PTPN21: variants seen among roughly 807,000 people sequenced by gnomAD.
PTPN21 encodes protein tyrosine phosphatase non-receptor type 21.
In PTPN21, 77 loss-of-function variants were observed where a neutral mutation model predicts 131.8. The ratio of observed to expected loss-of-function variants is 0.58; its 90% confidence interval spans 0.49 to 0.71. The LOEUF is 0.71. Among genes scored for constraint, PTPN21 ranks in the 30% least tolerant of loss-of-function variants. The pLI, the probability that PTPN21 is intolerant of heterozygous loss-of-function variation, is 0.00. For missense variants in PTPN21, 1,552 were observed against 1,527.1 expected (o/e 1.02, Z -0.27); for synonymous variants, 715 against 621.3 (o/e 1.15, Z -2.24).
intron 18 of PTPN21, among the ~76,000 whole-genome samples, chr14:88,468,478 A>G (rs977737380): frequency 5.3e-5 from 8 of 152,312 alleles, no homozygotes; most frequent in South Asian, 4.1e-4. Context: ...TATTTCTTCA[A>G]CATTCCCCAG....
rs553272323 is a variant in PTPN21, at chr14:88,532,364, T to A, written c.181-15103A>T. On this transcript the variant is annotated intron_variant, in intron 2 of 18. Coordinates refer to ENST00000556564, the MANE Select transcript of PTPN21 (RefSeq NM_007039.4). ...TTTAAATACAACAAATTCAGTTCATTAAGTCTAAGAAAAAAAATGAGCCAG... is the reference window on the plus strand; with the variant it reads ...TTTAAATACAACAAATTCAGTTCATAAAGTCTAAGAAAAAAAATGAGCCAG... Among the ~76,000 whole-genome samples, 3 of 152,258 alleles carry A rather than the reference T, an allele frequency of 2.0e-5. No homozygotes were observed. The South Asian group carries it at 6.2e-4, about 32-fold the overall frequency.
At position 88,473,695 on chromosome 14, in the gene PTPN21, T is replaced by C; in HGVS notation, c.2619A>G (p.Glu873=). Residue 873 remains glutamate (E), a synonymous_variant, in exon 14 of 19, where the codon GAA becomes GAG. Transcript: ENST00000556564. ...SRVPLPDEGK[E]VATRATNDER... ...CATCATTCGTTGCTCTGGTAGCCAC[T>C]TCCTTTCCTTCATCAGGCAGAGGCA... 2 of 1,613,418 alleles carry C rather than the reference T, an allele frequency of 1.2e-6. No homozygotes were observed. Among genetic ancestry groups the C allele is most frequent in the East Asian group, 2.2e-5 (1 of 44,854 alleles).
At chr14:88,546,502 G>T (rs1363859598) in intron 2 of PTPN21, among the ~76,000 whole-genome samples, 1 of 151,544 alleles carries the variant, frequency 6.6e-6, no homozygotes, top group East Asian at 1.9e-4. Context: ...CTTGGACCCG[G>T]GAGGCAGAGG....
At chr14:88,500,732 T>C (rs375697773) in intron 8 of PTPN21, 51 bp downstream of exon 8, 7 of 1,258,714 alleles carry the variant, frequency 5.6e-6, no homozygotes, top group Non-Finnish European at 8.2e-6. Flanking sequence ...CTAAAAAATG[T>C]ATCACCAACA....
intron 10 of PTPN21, among the ~76,000 whole-genome samples, chr14:88,490,394 C>T (rs1397930540): frequency 6.6e-6 from 1 of 152,108 alleles, no homozygotes; most frequent in East Asian, 1.9e-4. Flanking sequence ...CTCGGCTCCA[C>T]CAGGGGTCCA....
intron 2 of PTPN21, among the ~76,000 whole-genome samples, chr14:88,536,521 G>A (rs1034535275): frequency 2.6e-5 from 4 of 152,160 alleles, no homozygotes; most frequent in African/African-American, 9.7e-5. Context: ...TTGAGATGGG[G>A]AAAAAATGTG....
chr14:88,484,559 C>G (rs1254403064), intron 12 of PTPN21, among the ~76,000 whole-genome samples: 1 of 152,150 alleles, frequency 6.6e-6, no homozygotes, highest in African/African-American at 2.4e-5. Flanking sequence ...TAAAAGGACA[C>G]AGGAACCAGC....
At position 88,479,562 on chromosome 14, in the gene PTPN21, G is replaced by A. The variant is rs776319305; in HGVS notation, c.1869C>T (p.Pro623=). The A allele has an allele frequency of 3.1e-6, 5 of 1,598,286 alleles. No homozygotes were observed. The highest frequency in any genetic ancestry group is 2.2e-5 in the East Asian group (1 of 44,770). The part of the protein sequence containing the change: ...VAHSLQEVSE[P]LTAARHAQLH... ...GCTGCGCGTGGCGCGCGGCGGTGAGGGGCTCGCTGACCTCCTGCAGCGAGT... is the reference window on the plus strand; with the variant it reads ...GCTGCGCGTGGCGCGCGGCGGTGAGAGGCTCGCTGACCTCCTGCAGCGAGT... The change falls in exon 13 of 19, where the codon CCC becomes CCT. Residue 623 remains proline (P), a synonymous_variant. Transcript: ENST00000556564.
At chr14:88,529,985 A>G (rs1412415138) in intron 2 of PTPN21, among the ~76,000 whole-genome samples, 1 of 149,166 alleles carries the variant, frequency 6.7e-6, no homozygotes, top group East Asian at 1.9e-4. Flanking sequence ...CATCTCAAGA[A>G]AAAAAAAAAA....
Position 88,474,371 on chromosome 14 carries a change from G to T in PTPN21, c.2512-569C>A, listed in dbSNP as rs187234202. On this transcript the variant is annotated intron_variant, in intron 13 of 18. Coordinates refer to ENST00000556564, the MANE Select transcript of PTPN21 (RefSeq NM_007039.4). ...TGCCCAACTAATCTTTGTGTGTTTT[G>T]TAGAGATGGGGTCTCACTATGTTGC... Among the ~76,000 whole-genome samples the T allele has an allele frequency of 1.7e-3, 266 of 152,088 alleles. 1 individual carries two copies. The highest frequency in any genetic ancestry group is 5.9e-3 in the African/African-American group (244 of 41,504).
intron 10 of PTPN21, among the ~76,000 whole-genome samples, chr14:88,495,710 G>A (rs73315980): frequency 0.035 from 5,385 of 152,264 alleles, 319 homozygotes; most frequent in African/African-American, 0.12. Context: ...GCCGAGCAGG[G>A]GGTGGTGTCC....
intron 10 of PTPN21, among the ~76,000 whole-genome samples, chr14:88,487,306 G>T (rs73315931): frequency 0.037 from 5,610 of 152,022 alleles, 348 homozygotes; most frequent in African/African-American, 0.13. Context: ...ATGTACTTAT[G>T]TAACACATAA....
chr14:88,484,324 G>A (rs1247163172), intron 12 of PTPN21, among the ~76,000 whole-genome samples: 4 of 151,764 alleles, frequency 2.6e-5, no homozygotes, highest in Non-Finnish European at 5.9e-5. Context: ...TTAGCATTTG[G>A]TATAGCCCCA....
At chr14:88,538,985 C>T (rs113272926) in intron 2 of PTPN21, among the ~76,000 whole-genome samples, 1,763 of 152,232 alleles carry the variant, frequency 0.012, 28 homozygotes, top group African/African-American at 0.038. Context: ...TCCCTTTAAA[C>T]AGTATAAAAT....
intron 10 of PTPN21, among the ~76,000 whole-genome samples, chr14:88,492,381 G>A (rs2077838034): frequency 6.6e-6 from 1 of 152,124 alleles, no homozygotes; most frequent in Non-Finnish European, 1.5e-5. Flanking sequence ...TCACCACCAG[G>A]GGGAACACTT....
chr14:88,479,840 G>A lies in PTPN21; in HGVS notation c.1591C>T (p.Arg531Trp). Residue 531 changes from arginine to tryptophan, a missense_variant, in exon 13 of 19, where the codon CGG becomes TGG. This residue lies in a region of PTPN21 where 1,016 missense variants were observed against 883.5 expected (regional missense o/e 1.15). Coordinates refer to ENST00000556564, the MANE Select transcript of PTPN21 (RefSeq NM_007039.4). Reference protein sequence around the residue: ...PSPYPYPAERRPVVGAVSVPE... With the variant: ...PSPYPYPAERWPVVGAVSVPE... Reference sequence around the variant, plus strand: ...ACGCTGACCGCGCCCACCACGGGCCGCCGCTCGGCAGGGTAGGGGTAGGGA... The same window carrying A: ...ACGCTGACCGCGCCCACCACGGGCCACCGCTCGGCAGGGTAGGGGTAGGGA... 1 of 1,553,582 alleles carries A rather than the reference G, an allele frequency of 6.4e-7. No individual in the cohort carries two copies. The highest frequency in any genetic ancestry group is 8.7e-7 in the Non-Finnish European group (1 of 1,154,764).
chr14:88,552,651 G>T (rs921580507), intron 1 of PTPN21, among the ~76,000 whole-genome samples: 1 of 152,180 alleles, frequency 6.6e-6, no homozygotes, highest in South Asian at 2.1e-4. Context: ...TTAATTAACC[G>T]CATTTGCTGA....
intron 2 of PTPN21, among the ~76,000 whole-genome samples, chr14:88,523,461 G>A (rs1214487656): frequency 6.6e-6 from 1 of 152,026 alleles, no homozygotes. Context: ...ACATGACAAT[G>A]AGCATTTAGG....
intron 2 of PTPN21, among the ~76,000 whole-genome samples, chr14:88,528,111 G>C (rs903188847): frequency 1.3e-5 from 2 of 152,136 alleles, no homozygotes; most frequent in African/African-American, 4.8e-5. Context: ...TTTCTACTTA[G>C]TCTTGCTTTG....
Sources: allele counts gnomAD v4.1 joint callset (sites outside exome capture counted in the v4.1 genomes callset), GRCh38; gene constraint gnomAD v4.1.1; regional missense constraint gnomAD v4.1.1; transcripts MANE v1.5; gene names NCBI Gene and HGNC (gene_info 2026-07-23, HGNC 2026-07-21).